SNTG1: variants seen among roughly 807,000 people sequenced by gnomAD.
The protein encoded by SNTG1 is gamma-1-syntrophin.
SNTG1 carries 39 observed loss-of-function variants against 74.7 expected under a neutral mutation model. The ratio of observed to expected loss-of-function variants is 0.52; its 90% CI spans 0.40 to 0.68. SNTG1 has a LOEUF of 0.68. Ranked by LOEUF, SNTG1 falls within the 30% of genes least tolerant of loss-of-function variation. The pLI is 0.00. For missense variants in SNTG1, 685 were observed against 609.5 expected, an observed-to-expected ratio of 1.12 and a Z score of -1.30; for synonymous variants, 254 against 217.1, an observed-to-expected ratio of 1.17 and a Z score of -1.49.
chr8:50,582,841 A>G (rs1323746780), intron 12 of SNTG1, among the ~76,000 whole-genome samples: 2 of 152,138 alleles, frequency 1.3e-5, no homozygotes, highest in Non-Finnish European at 2.9e-5. Context: ...TCATAGAACT[A>G]AAATCACATA....
chr8:49,971,005 C>T (rs1811615201), intron 1 of SNTG1, among the ~76,000 whole-genome samples: 1 of 152,126 alleles, frequency 6.6e-6, no homozygotes, highest in Non-Finnish European at 1.5e-5. Flanking sequence ...GGGAATCCTC[C>T]CTAACTCATT....
chr8:49,941,744 C>T (rs1808711232), intron 1 of SNTG1, among the ~76,000 whole-genome samples: 1 of 151,950 alleles, frequency 6.6e-6, no homozygotes, highest in African/African-American at 2.4e-5. Context: ...GGATAAGTCT[C>T]TAATTGAAGG....
chr8:50,245,521 A>G (rs544267528), intron 2 of SNTG1, among the ~76,000 whole-genome samples: 14 of 152,134 alleles, frequency 9.2e-5, no homozygotes, highest in African/African-American at 3.1e-4. Context: ...CATCTCTACT[A>G]AAAATACAAA....
intron 1 of SNTG1, among the ~76,000 whole-genome samples, chr8:50,067,527 T>G (rs1452898810): frequency 2.6e-5 from 4 of 152,238 alleles, no homozygotes; most frequent in Non-Finnish European, 5.9e-5. Flanking sequence ...AAACTACCCT[T>G]CTAGCTCTTA....
At chr8:49,949,978 T>C (rs1809558028) in intron 1 of SNTG1, among the ~76,000 whole-genome samples, 1 of 152,082 alleles carries the variant, frequency 6.6e-6, no homozygotes, top group Non-Finnish European at 1.5e-5. Flanking sequence ...GATACAAAAA[T>C]TAGCCAGGTG....
At chr8:50,683,628 A>C (rs2095340045) in intron 15 of SNTG1, among the ~76,000 whole-genome samples, 1 of 151,924 alleles carries the variant, frequency 6.6e-6, no homozygotes, top group African/African-American at 2.4e-5. Context: ...GTATATAAAT[A>C]GGAGAGCAAT....
At chr8:50,251,460 C>T (rs533117697) in intron 2 of SNTG1, among the ~76,000 whole-genome samples, 4 of 151,778 alleles carry the variant, frequency 2.6e-5, no homozygotes, top group African/African-American at 7.2e-5. Context: ...AACAAAATCC[C>T]ACTATATGTT....
At chr8:50,432,292 T>C (rs1358378552) in intron 4 of SNTG1, among the ~76,000 whole-genome samples, 1 of 152,160 alleles carries the variant, frequency 6.6e-6, no homozygotes, top group African/African-American at 2.4e-5. Flanking sequence ...TATTGAATTG[T>C]TTTTATTCTT....
At chr8:50,558,585 G>T (rs1453548561) in intron 12 of SNTG1, among the ~76,000 whole-genome samples, 2 of 150,914 alleles carry the variant, frequency 1.3e-5, no homozygotes, top group Admixed American at 1.3e-4. Context: ...GTTGCCTTTT[G>T]CATTTTATCT....
intron 1 of SNTG1, among the ~76,000 whole-genome samples, chr8:50,016,282 G>T (rs934518353): frequency 6.6e-6 from 1 of 151,990 alleles, no homozygotes; most frequent in Non-Finnish European, 1.5e-5. Context: ...GTTTGTTGTT[G>T]TTGCATAGAA....
At chr8:49,947,915 G>C (rs529334281) in intron 1 of SNTG1, among the ~76,000 whole-genome samples, 1 of 152,254 alleles carries the variant, frequency 6.6e-6, no homozygotes, top group South Asian at 2.1e-4. Flanking sequence ...CAGATCACAT[G>C]AGGTAAGGAG....
At chr8:50,714,691 A>T (rs781701746) in intron 17 of SNTG1, among the ~76,000 whole-genome samples, 25 of 152,124 alleles carry the variant, frequency 1.6e-4, no homozygotes, top group Admixed American at 3.9e-4. Context: ...AAGAGACATC[A>T]GTACAATTGA....
chr8:50,394,146 T>C, intron 2 of SNTG1, 66 bp from the exon 3 acceptor site: 1 of 1,288,950 alleles, frequency 7.8e-7, no homozygotes. Context: ...TTTCCTCCAC[T>C]ATATTAGTGT....
At chr8:50,367,834 C>T (rs2092158440) in intron 2 of SNTG1, among the ~76,000 whole-genome samples, 1 of 152,108 alleles carries the variant, frequency 6.6e-6, no homozygotes, top group African/African-American at 2.4e-5. Flanking sequence ...TCTGGAAACT[C>T]CTGAGCAACA....
At chr8:50,426,931 C>T (rs189160431) in intron 4 of SNTG1, among the ~76,000 whole-genome samples, 1 of 152,172 alleles carries the variant, frequency 6.6e-6, no homozygotes, top group African/African-American at 2.4e-5. Flanking sequence ...TTATATAGAA[C>T]TTACATTGTA....
At chr8:50,245,625 A>C (rs1044644248) in intron 2 of SNTG1, among the ~76,000 whole-genome samples, 5 of 152,084 alleles carry the variant, frequency 3.3e-5, no homozygotes, top group Non-Finnish European at 5.9e-5. Flanking sequence ...GGAGGTTGCC[A>C]TGAGCCGAGA....
Position 50,571,176 on chromosome 8 carries a change from A to C in SNTG1, c.810+17997A>C, listed in dbSNP as rs139169308. On this transcript the variant is annotated intron_variant, in intron 12 of 18. Transcript: ENST00000642720. The stretch of plus-strand genomic sequence containing the variant: ...CAGCTCCAGCTATTAGCGTTTCAGC[A>C]GCCGTGGAACTATGACCCTGCACAG... 2.1e-4 allele frequency among the ~76,000 whole-genome samples: 32 copies of C among 152,252 alleles called. No individual in the cohort carries two copies. In the East Asian group the frequency reaches 6.0e-3, roughly 29 times the overall value.
intron 17 of SNTG1, among the ~76,000 whole-genome samples, chr8:50,734,801 A>T (rs1212820217): frequency 1.1e-5 from 1 of 87,778 alleles, no homozygotes; most frequent in African/African-American, 6.4e-5. Context: ...ATATGGACAT[A>T]TATATAGATA....
At chr8:50,543,556 C>T (rs566876625) in intron 11 of SNTG1, among the ~76,000 whole-genome samples, 1 of 151,936 alleles carries the variant, frequency 6.6e-6, no homozygotes, top group Non-Finnish European at 1.5e-5. Context: ...TGAGTGATAT[C>T]CTATGGTATA....
Sources: gnomAD v4.1 joint callset for allele counts (sites outside exome capture counted in the v4.1 genomes callset) on GRCh38, gnomAD v4.1.1 for gene constraint, MANE v1.5 for transcripts, NCBI Gene and HGNC (gene_info 2026-07-23, HGNC 2026-07-21) for gene names.